Variants in MYO3A observed in about 807,000 individuals in gnomAD.
MYO3A encodes myosin IIIA.
Under a neutral mutation model 192.7 loss-of-function variants are expected in MYO3A, and 180 were observed. That is an observed-to-expected ratio of 0.93 (90% CI 0.83 to 1.06). MYO3A has a LOEUF of 1.06. Among genes scored for constraint, MYO3A ranks in the 50% least tolerant of loss-of-function variants. MYO3A has a pLI of 0.00. For missense variants in MYO3A, 1,896 were observed against 1,905.0 expected, an observed-to-expected ratio of 1.00 and a Z score of 0.09; for synonymous variants, 628 against 645.3, an observed-to-expected ratio of 0.97 and a Z score of 0.41.
chr10:25,968,496 G>A (rs1564414121), intron 4 of MYO3A, among the ~76,000 whole-genome samples: 1 of 152,130 alleles, frequency 6.6e-6, no homozygotes, highest in South Asian at 2.1e-4. Flanking sequence ...TAAATATAGG[G>A]CAGATATGAA....
chr10:26,075,114 C>T (rs1486125348), intron 14 of MYO3A, among the ~76,000 whole-genome samples: 1 of 151,908 alleles, frequency 6.6e-6, no homozygotes. Context: ...TGTTTTTATG[C>T]CAGTACCATA....
intron 2 of MYO3A, among the ~76,000 whole-genome samples, chr10:25,936,144 A>G (rs916761147): frequency 1.3e-5 from 2 of 152,072 alleles, no homozygotes; most frequent in East Asian, 3.9e-4. Context: ...CTTAATATAT[A>G]TGTGTATATA....
rs559463828 is a variant in MYO3A, at chr10:26,052,224, C to G, written c.954-14751C>G. Among the ~76,000 whole-genome samples, 3 of 152,320 alleles carry G rather than the reference C, an allele frequency of 2.0e-5. No individual in the cohort carries two copies. In the South Asian group the frequency reaches 6.2e-4, roughly 32 times the overall value. ...GATTTTCATCTACTTTCATGTATCA[C>G]TTTTCCAATCCCATCCTTCTTTCCA... On this transcript the variant is annotated intron_variant, in intron 10 of 34. Transcript: ENST00000642920.
At position 26,174,067 on chromosome 10, in the gene MYO3A, G is replaced by A; in HGVS notation, c.3803G>A (p.Ser1268Asn). Residue 1268 changes from serine (S) to asparagine (N), a missense_variant, in exon 30 of 35, where the codon AGC (serine) becomes AAC (asparagine). By Grantham distance (46) the Ser-to-Asn change is conservative (BLOSUM62 1). Coordinates refer to ENST00000642920, the MANE Select transcript of MYO3A (RefSeq NM_017433.5). ...LERKAISERP[S>N]YPVPWLAENE... is the part of the protein sequence containing the mutation. ...AGGAAGGCCATATCAGAAAGGCCAA[G>A]CTACCCAGTGCCTTGGTTAGCTGAA... The A allele has an allele frequency of 6.2e-7, 1 of 1,614,178 alleles. No individual in the cohort carries two copies. Among genetic ancestry groups the A allele is most frequent in the African/African-American group, 1.3e-5 (1 of 75,032 alleles).
intron 5 of MYO3A, 126 bp downstream of exon 5, chr10:25,996,720 C>A: frequency 1.3e-6 from 1 of 787,084 alleles, no homozygotes; most frequent in Non-Finnish European, 2.2e-6. Flanking sequence ...AGAATATATG[C>A]AAAATCTGAC....
chr10:26,149,303 C>T (rs971216248), intron 23 of MYO3A, among the ~76,000 whole-genome samples: 41 of 152,008 alleles, frequency 2.7e-4, no homozygotes, highest in East Asian at 2.5e-3. Flanking sequence ...GGCACAATTT[C>T]GGCTCACTGC....
intron 14 of MYO3A, among the ~76,000 whole-genome samples, chr10:26,072,195 T>C (rs58217723): frequency 0.47 from 72,175 of 151,948 alleles, 17,950 homozygotes; most frequent in Middle Eastern, 0.59. Context: ...TGTCACCTCC[T>C]TTGACATGAG....
At chr10:26,103,724 G>A (rs888938741) in intron 17 of MYO3A, among the ~76,000 whole-genome samples, 4 of 152,156 alleles carry the variant, frequency 2.6e-5, no homozygotes, top group African/African-American at 9.7e-5. Context: ...TGCAAATGCT[G>A]AATAGGGTAA....
Position 26,197,649 on chromosome 10 carries a change from C to T in MYO3A, c.4546-3616C>T, listed in dbSNP as rs538041283. On this transcript the variant is annotated intron_variant, in intron 32 of 34. Transcript: ENST00000642920. ...CCCAATCTCAGCTCACTGCAACCTCCGCCTCCCGGGTTCAACCGATTCTCC... is the reference window on the plus strand; with the variant it reads ...CCCAATCTCAGCTCACTGCAACCTCTGCCTCCCGGGTTCAACCGATTCTCC... Among the ~76,000 whole-genome samples the T allele has an allele frequency of 3.9e-5, 6 of 152,158 alleles. No homozygotes were observed. In the East Asian group the frequency reaches 5.8e-4, roughly 15 times the overall value.
intron 10 of MYO3A, among the ~76,000 whole-genome samples, chr10:26,057,095 A>G (rs1470810840): frequency 2.0e-5 from 3 of 152,256 alleles, no homozygotes; most frequent in Non-Finnish European, 1.5e-5. Context: ...TAAGAAGGTC[A>G]TTTTACTTTC....
chr10:26,012,017 G>C (rs12247765), intron 6 of MYO3A, among the ~76,000 whole-genome samples: 14,274 of 152,172 alleles, frequency 0.094, 1,173 homozygotes, highest in African/African-American at 0.21. Context: ...CATCTCAATA[G>C]ATGCAGAAAA....
chr10:26,141,328 A>G (rs1282328223), intron 20 of MYO3A, among the ~76,000 whole-genome samples: 1 of 152,198 alleles, frequency 6.6e-6, no homozygotes, highest in Non-Finnish European at 1.5e-5. Flanking sequence ...TTTTGGGATC[A>G]TAACTGCTAT....
intron 32 of MYO3A, among the ~76,000 whole-genome samples, chr10:26,199,351 G>A (rs1419329338): frequency 2.6e-5 from 4 of 152,160 alleles, no homozygotes; most frequent in East Asian, 1.9e-4. Flanking sequence ...TTAAGAGTTC[G>A]AGACCAGCCT....
chr10:26,060,087 A>T (rs896382281), intron 10 of MYO3A, among the ~76,000 whole-genome samples: 1 of 152,096 alleles, frequency 6.6e-6, no homozygotes, highest in Non-Finnish European at 1.5e-5. Context: ...GAGAAACTCC[A>T]TCTCTACTAA....
At chr10:26,170,931 G>C (rs1039914098) in intron 29 of MYO3A, among the ~76,000 whole-genome samples, 3 of 152,070 alleles carry the variant, frequency 2.0e-5, no homozygotes, top group African/African-American at 7.2e-5. Flanking sequence ...CTTTCTTCTT[G>C]TGAGCCCTCA....
At chr10:25,949,172 T>A (rs755049470) in intron 2 of MYO3A, among the ~76,000 whole-genome samples, 35 of 152,160 alleles carry the variant, frequency 2.3e-4, no homozygotes, top group Non-Finnish European at 4.3e-4. Flanking sequence ...TGTTTATTAA[T>A]CTATCCATGA....
chr10:25,953,925 A>G lies in MYO3A; in HGVS notation c.169-949A>G, dbSNP rs192247047. The stretch of plus-strand genomic sequence containing the variant: ...GAGATTATAATCTTAAATAAATTTA[A>G]ATGCATCCAAACATCTTGCAAAGAT... On this transcript the variant is annotated intron_variant, in intron 3 of 34. Transcript: ENST00000642920. Among the ~76,000 whole-genome samples, 745 of 152,294 alleles carry G rather than the reference A, an allele frequency of 4.9e-3. 6 individuals are homozygous for G. Among genetic ancestry groups the G allele is most frequent in the African/African-American group, 0.017 (707 of 41,566 alleles).
At chr10:26,140,547 G>A (rs1840092105) in intron 20 of MYO3A, among the ~76,000 whole-genome samples, 1 of 152,110 alleles carries the variant, frequency 6.6e-6, no homozygotes, top group Non-Finnish European at 1.5e-5. Flanking sequence ...AGCTGGGCAT[G>A]ATGGCAGGTG....
chr10:26,086,042 G>A (rs748089157), intron 14 of MYO3A, among the ~76,000 whole-genome samples: 1 of 152,098 alleles, frequency 6.6e-6, no homozygotes, highest in Non-Finnish European at 1.5e-5. Context: ...CAGGTAGGGG[G>A]AGGCTTGAAG....
Sources: gnomAD v4.1 joint callset for allele counts (sites outside exome capture counted in the v4.1 genomes callset) on GRCh38, gnomAD v4.1.1 for gene constraint, MANE v1.5 for transcripts, NCBI Gene and HGNC (gene_info 2026-07-23, HGNC 2026-07-21) for gene names.